CYBA: variants seen among roughly 807,000 people sequenced by gnomAD.
CYBA encodes the protein cytochrome b-245 alpha chain.
Under a neutral mutation model 20.8 loss-of-function variants are expected in CYBA, and 21 were observed. The ratio of observed to expected loss-of-function variants is 1.01; its 90% confidence interval spans 0.72 to 1.46. The LOEUF (loss-of-function observed/expected upper bound fraction) is 1.46. CYBA is among the 40% of genes most tolerant of loss of function. The pLI is 0.00. For missense variants in CYBA, 344 were observed against 287.0 expected, an observed-to-expected ratio of 1.20 and a Z score of -1.43; for synonymous variants, 164 against 127.5, an observed-to-expected ratio of 1.29 and a Z score of -1.93.
chr16:88,650,102 T>C, intron 1 of CYBA: 1 of 315,564 alleles, frequency 3.2e-6, no homozygotes, highest in Non-Finnish European at 6.5e-6. Flanking sequence ...GGGAGGGCGC[T>C]CAGAGCCCCA....
At chr16:88,649,600 AG>A (rs1230765279) in intron 1 of CYBA, among the ~76,000 whole-genome samples, 1 of 152,240 alleles carries the variant, frequency 6.6e-6, no homozygotes, top group Non-Finnish European at 1.5e-5. Context: ...CTCCCCAGGC[AG>A]GTGGCATTTG....
At chr16:88,650,893 C>A in intron 1 of CYBA, 63 bp downstream of exon 1, 1 of 1,520,236 alleles carries the variant, frequency 6.6e-7, no homozygotes, top group Non-Finnish European at 8.9e-7. Flanking sequence ...GCCCGAGGTC[C>A]CGGCTGGGGT....
rs1272232395 is a variant in CYBA at position 88,643,456 on chromosome 16, TCGGCCGGGGGCCG to T, written c.472_484del (p.Pro160AlafsTer27). ...CTCCTCGCTGGGCTTCTTGCGGGCC[TCGGCCGGGGGCCG>T]CGGCGGGGGGTTGCTGGGCGGCTGC... On this transcript the variant is annotated frameshift_variant, in exon 6 of 6. Coordinates refer to ENST00000261623, the MANE Select transcript of CYBA (RefSeq NM_000101.4). This position sits in a 1 kb window ranked among gnomAD's most constrained non-coding sequence, Gnocchi z 4.3. 4 of 1,530,642 alleles carry T rather than the reference TCGGCCGGGGGCCG, an allele frequency of 2.6e-6. No individual in the cohort carries two copies. The African/African-American group carries it at 4.2e-5, about 16-fold the overall frequency. 94.8% of individuals were successfully genotyped at this position (1,530,642 alleles called of 1,614,324 possible).
chr16:88,646,883 AC>A (rs771874884), intron 3 of CYBA, 45 bp from the exon 4 acceptor site: 1 of 1,514,366 alleles, frequency 6.6e-7, no homozygotes, highest in Non-Finnish European at 9.2e-7. Context: ...GGCCTCTCCC[AC>A]TCGGGACTCC....
intron 1 of CYBA, chr16:88,650,227 C>T: frequency 2.6e-6 from 1 of 379,404 alleles, no homozygotes; most frequent in South Asian, 1.9e-5. Flanking sequence ...CCTCTGCCCT[C>T]AGACCTCGCC....
At chr16:88,648,497 C>CT (rs967202205) in intron 1 of CYBA, among the ~76,000 whole-genome samples, 3 of 152,304 alleles carry the variant, frequency 2.0e-5, no homozygotes, top group South Asian at 2.1e-4. Flanking sequence ...GGGGGAGTGT[C>CT]TTTTTCCCCC....
At position 88,646,122 on chromosome 16, in the gene CYBA, G is replaced by A; in HGVS notation, c.363C>T (p.Tyr121=). The change falls in exon 5 of 6, where the codon TAC becomes TAT. Residue 121 remains tyrosine (Y), a synonymous_variant. Transcript: ENST00000261623. ...TACLAIASGI[Y]LLAAVRGEQW... The stretch of plus-strand genomic sequence containing the variant: ...CTCAGAGGGCGCCACTCACCAGTAG[G>A]TAGATGCCGCTCGCAATGGCCAGGC... The A allele has an allele frequency of 6.4e-7, 1 of 1,553,788 alleles. No individual in the cohort carries two copies. The highest frequency in any genetic ancestry group is 8.7e-7 in the Non-Finnish European group (1 of 1,150,260).
chr16:88,645,072 C>CCGG (rs1344749143), intron 5 of CYBA: 16 of 660,232 alleles, frequency 2.4e-5, no homozygotes, highest in Non-Finnish European at 3.9e-5. Context: ...GCAGCTGAGC[C>CCGG]CGGCAGGGTG....
At chr16:88,647,810 C>G (rs1010927845) in intron 2 of CYBA, 2 of 600,828 alleles carry the variant, frequency 3.3e-6, no homozygotes, top group African/African-American at 1.8e-5. Context: ...TCTGGTGACA[C>G]CCCCTGCCCA....
At chr16:88,650,669 G>T (rs1168000881) in intron 1 of CYBA, 9 of 596,876 alleles carry the variant, frequency 1.5e-5, no homozygotes, top group South Asian at 1.0e-4. Context: ...CCCCTGCGCT[G>T]CAACTTCCTC....
chr16:88,645,011 A>G (rs1164122046), intron 5 of CYBA: 1 of 615,398 alleles, frequency 1.6e-6, no homozygotes, highest in Non-Finnish European at 2.9e-6. Flanking sequence ...AGCCTAGTGC[A>G]TGGTGGGAGA....
At chr16:88,648,814 TCAC>T (rs1042745654) in intron 1 of CYBA, among the ~76,000 whole-genome samples, 2 of 151,886 alleles carry the variant, frequency 1.3e-5, no homozygotes, top group Non-Finnish European at 2.9e-5. Flanking sequence ...GACAGGGTTT[TCAC>T]CACATTGGCC....
At chr16:88,648,203 C>A in intron 1 of CYBA, 89 bp from the exon 2 acceptor site, 1 of 1,257,170 alleles carries the variant, frequency 8.0e-7, no homozygotes, top group Non-Finnish European at 1.1e-6. Flanking sequence ...GGCCACCAGG[C>A]CACCCAGAGC....
Position 88,647,192 on chromosome 16 carries a change from A to C in CYBA, c.129-17T>G. ...CCCGCCACACTGAAGCCATGTGGTT[A>C]AGGAACAGCCCAGCTCAGCCTGAGG... On this transcript the variant is annotated splice_polypyrimidine_tract_variant and intron_variant, in intron 2 of 5. Coordinates refer to ENST00000261623, the MANE Select transcript of CYBA (RefSeq NM_000101.4). 1 of 1,610,778 alleles carries C rather than the reference A, an allele frequency of 6.2e-7. No individual in the cohort carries two copies. Among genetic ancestry groups the C allele is most frequent in the Non-Finnish European group, 8.5e-7 (1 of 1,179,512 alleles).
At chr16:88,650,613 C>T (rs1266144779) in intron 1 of CYBA, 2 of 520,356 alleles carry the variant, frequency 3.8e-6, no homozygotes, top group East Asian at 8.4e-5. Flanking sequence ...CACTCGGGGG[C>T]TTCGGGGCGG....
intron 5 of CYBA, among the ~76,000 whole-genome samples, chr16:88,644,012 C>T (rs1208115819): frequency 6.6e-6 from 1 of 152,180 alleles, no homozygotes; most frequent in East Asian, 1.9e-4. Context: ...CCCAAGGGTG[C>T]CCAGGCATTT....
At chr16:88,644,894 A>G (rs964070244) in intron 5 of CYBA, 15 of 525,196 alleles carry the variant, frequency 2.9e-5, no homozygotes, top group Non-Finnish European at 4.8e-5. Flanking sequence ...TTGAACAGGC[A>G]ACTCAAGGGA....
At chr16:88,646,559 A>G (rs1597372131) in intron 4 of CYBA, 196 bp downstream of exon 4, 1 of 705,684 alleles carries the variant, frequency 1.4e-6, no homozygotes, top group Non-Finnish European at 2.6e-6. Context: ...TCGGATTTGG[A>G]GTGGATCCTT....
chr16:88,647,313 G>A (rs1031554160), intron 2 of CYBA, 138 bp from the exon 3 acceptor site: 7 of 812,158 alleles, frequency 8.6e-6, no homozygotes, highest in Middle Eastern at 2.2e-4. Flanking sequence ...AGGCTGAGGC[G>A]GGAGGATCAC....
Sources: gnomAD v4.1 joint callset for allele counts (sites outside exome capture counted in the v4.1 genomes callset) on GRCh38, gnomAD v4.1.1 for gene constraint, Gnocchi (gnomAD v3.1) non-coding constraint, MANE v1.5 for transcripts, NCBI Gene and HGNC (gene_info 2026-07-23, HGNC 2026-07-21) for gene names.